Variants in STAG2 observed in about 807,000 individuals in gnomAD.
The protein encoded by STAG2 is STAG2 cohesin complex component, also known as cohesin subunit SA-2.
STAG2 carries 14 observed loss-of-function variants against 108.1 expected under a neutral mutation model. The observed-to-expected ratio is 0.13, with a 90% CI of 0.09 to 0.20. The LOEUF is 0.20. Ranked by LOEUF, STAG2 falls within the 10% of genes least tolerant of loss-of-function variation. The pLI, the probability that STAG2 is intolerant of heterozygous loss-of-function variation, is 1.00. For synonymous variants in STAG2, 307 were observed against 302.7 expected, an observed-to-expected ratio of 1.01 and a Z score of -0.15; for missense variants, 440 against 940.9, an observed-to-expected ratio of 0.47 and a Z score of 6.96.
At position 124,045,412 on chromosome X, in the gene STAG2, G is replaced by C. The variant is rs778720748; in HGVS notation, c.667+44G>C. The C allele has an allele frequency of 3.2e-5, 33 of 1,026,696 alleles. No individual in the cohort carries two copies. In the East Asian group the frequency reaches 1.0e-3, roughly 32 times the overall value. The allele number at this position is 1,026,696 out of a possible 1,213,427, so 84.6% of individuals were successfully genotyped here. A position where few individuals can be genotyped will look rare whatever the true frequency, so the allele number is the denominator to read the frequency against. On this transcript the variant is annotated intron_variant, in intron 8 of 34. Transcript: ENST00000371145. The stretch of plus-strand genomic sequence containing the variant: ...TTTCTGCATATTGTCTTAGATTTGA[G>C]ATGAAAAAGATTCTCATTTAAAGAG...
intron 1 of STAG2, among the ~76,000 whole-genome samples, chrX:124,018,691 C>T (rs1402805047): frequency 1.8e-5 from 2 of 110,600 alleles, no homozygotes; most frequent in Non-Finnish European, 3.8e-5. Flanking sequence ...TGTTGAGATA[C>T]GGTCTCACTG....
At position 123,998,390 on chromosome X, in the gene STAG2, C is replaced by T. The variant is rs757833500; in HGVS notation, c.-162-22977C>T. Among the ~76,000 whole-genome samples, 6 of 105,006 alleles carry T rather than the reference C, an allele frequency of 5.7e-5. No homozygotes were observed. In the East Asian group the frequency reaches 1.5e-3, roughly 26 times the overall value. The allele number at this position is 105,006 out of a possible 115,157, so 91.2% of individuals were successfully genotyped here. On this transcript the variant is annotated intron_variant, in intron 1 of 34. Transcript: ENST00000371145. ...TTTGCCATGTTGGCCAGGCTGGTCT[C>T]GAACTCCTGACCTCAAGTAATCCAC...
At chrX:124,064,266 A>G (rs1290005150) in intron 20 of STAG2, among the ~76,000 whole-genome samples, 1 of 111,184 alleles carries the variant, frequency 9.0e-6, no homozygotes, top group Non-Finnish European at 1.9e-5. Context: ...AGCAAAACTA[A>G]CATCTTTTTT....
At chrX:124,090,410 A>ACT (rs1490340354) in intron 30 of STAG2, among the ~76,000 whole-genome samples, 165 bp from the exon 31 acceptor site, 1 of 109,801 alleles carries the variant, frequency 9.1e-6, no homozygotes, top group Non-Finnish European at 1.9e-5. Flanking sequence ...TCGCAACTAG[A>ACT]CTCTAAGGCC....
intron 5 of STAG2, among the ~76,000 whole-genome samples, chrX:124,033,739 G>A (rs904878960): frequency 1.5e-4 from 17 of 111,794 alleles, no homozygotes; most frequent in African/African-American, 3.9e-4. Context: ...TCCAGCCTGG[G>A]CAACAAGAGT....
At chrX:124,036,604 C>T (rs961415487) in intron 5 of STAG2, among the ~76,000 whole-genome samples, 1 of 111,184 alleles carries the variant, frequency 9.0e-6, no homozygotes, top group Non-Finnish European at 1.9e-5. Context: ...TCTCGAACTC[C>T]TGACCTCAAG....
intron 1 of STAG2, among the ~76,000 whole-genome samples, chrX:123,987,902 G>A (rs1033008704): frequency 9.0e-6 from 1 of 111,555 alleles, no homozygotes; most frequent in African/African-American, 3.3e-5. Flanking sequence ...TATTACAGAA[G>A]TGCCTAGAAG....
chrX:124,011,941 A>G (rs2056535467), intron 1 of STAG2, among the ~76,000 whole-genome samples: 1 of 111,941 alleles, frequency 8.9e-6, no homozygotes, highest in Non-Finnish European at 1.9e-5. Context: ...TGAGGGGACA[A>G]ATATTCAAAC....
chrX:123,973,844 CAA>C (rs1340971234), intron 1 of STAG2, among the ~76,000 whole-genome samples: 4 of 85,632 alleles, frequency 4.7e-5, no homozygotes, highest in Admixed American at 1.3e-4. Flanking sequence ...AACTCCCTCT[CAA>C]AAAAAAAAAA....
intron 1 of STAG2, among the ~76,000 whole-genome samples, chrX:123,972,397 A>G (rs934843702): frequency 2.8e-5 from 3 of 107,792 alleles, no homozygotes; most frequent in African/African-American, 1.0e-4. Context: ...CAGCCTCCCG[A>G]GTAGCTGGGA....
intron 1 of STAG2, among the ~76,000 whole-genome samples, chrX:124,017,240 C>CA (rs1308726803): frequency 9.2e-6 from 1 of 108,870 alleles, no homozygotes; most frequent in East Asian, 2.9e-4. Context: ...GATGGAGTCT[C>CA]ACTCTGTTGC....
chrX:124,090,694 C>T lies in STAG2; in HGVS notation c.3397C>T (p.Arg1133Trp), dbSNP rs1400154883. The change falls in exon 31 of 35, where the codon CGG (arginine) becomes TGG (tryptophan). Residue 1133 changes from arginine (R) to tryptophan (W), a missense_variant. Arg to Trp is a moderately radical substitution (Grantham distance 101). Coordinates refer to ENST00000371145, the MANE Select transcript of STAG2 (RefSeq NM_001042750.2). ...STIMREPKRL[R>W]PEDSFMSVYP... ...TATTATGAGAGAGCCCAAAAGATTA[C>T]GGCCTGAGGATAGCTTCATGAGTGT... The T allele has an allele frequency of 8.3e-7, 1 of 1,211,371 alleles. No individual in the cohort carries two copies. The highest frequency in any genetic ancestry group is 2.2e-5 in the Admixed American group (1 of 46,007).
At chrX:124,077,341 A>C (rs1219101845) in intron 26 of STAG2, among the ~76,000 whole-genome samples, 1 of 110,639 alleles carries the variant, frequency 9.0e-6, no homozygotes, top group East Asian at 2.8e-4. Flanking sequence ...CTTACTAGTC[A>C]TAGGGACGTG....
chrX:123,995,951 T>A (rs1451860946), intron 1 of STAG2, among the ~76,000 whole-genome samples: 2 of 111,763 alleles, frequency 1.8e-5, no homozygotes, highest in Non-Finnish European at 3.8e-5. Context: ...TTCCTGAGAT[T>A]GTGAAGTAGA....
intron 27 of STAG2, among the ~76,000 whole-genome samples, chrX:124,078,520 A>G (rs1169201579): frequency 8.9e-6 from 1 of 111,896 alleles, no homozygotes; most frequent in African/African-American, 3.2e-5. Flanking sequence ...AAATTAGTGT[A>G]GATCTATATT....
At chrX:124,000,904 T>C (rs1287928771) in intron 1 of STAG2, among the ~76,000 whole-genome samples, 2 of 110,642 alleles carry the variant, frequency 1.8e-5, no homozygotes, top group African/African-American at 3.3e-5. Flanking sequence ...ACGAAAAAGT[T>C]TGAAAACAAA....
At chrX:123,965,184 GGAT>G (rs1286359431) in intron 1 of STAG2, among the ~76,000 whole-genome samples, 5 of 111,479 alleles carry the variant, frequency 4.5e-5, no homozygotes, top group Non-Finnish European at 7.5e-5. Flanking sequence ...AGCTTTAGAA[GGAT>G]GTTAAAGGAA....
At chrX:123,983,405 AGTGGATAGCCAATTC>A (rs1294348270) in intron 1 of STAG2, among the ~76,000 whole-genome samples, 2 of 111,492 alleles carry the variant, frequency 1.8e-5, no homozygotes, top group Non-Finnish European at 3.8e-5. Context: ...AGTTGCATTC[AGTGGATAGCCAATTC>A]GTGGATGAGC....
chrX:124,055,995 G>GT (rs1208595242), intron 13 of STAG2, 133 bp from the exon 14 acceptor site: 47 of 220,661 alleles, frequency 2.1e-4, no homozygotes, highest in African/African-American at 4.1e-4. Flanking sequence ...AGCTTGATTT[G>GT]GTTTTTTTTT....
Sources: allele counts gnomAD v4.1 joint callset (sites outside exome capture counted in the v4.1 genomes callset), GRCh38; gene constraint gnomAD v4.1.1; transcripts MANE v1.5; gene names NCBI Gene and HGNC (gene_info 2026-07-23, HGNC 2026-07-21).